The following RUNX1 variants were observed in gnomAD, a reference collection of about 807,000 sequenced individuals.
RUNX1 encodes the protein RUNX family transcription factor 1, also known as runt-related transcription factor 1.
In RUNX1, 19 loss-of-function variants were observed where a neutral mutation model predicts 42.8. That is an observed-to-expected ratio of 0.44 (90% confidence interval 0.31 to 0.65). RUNX1 has a LOEUF of 0.65. Ranked by LOEUF, RUNX1 falls within the 30% of genes least tolerant of loss-of-function variation. The probability of loss-of-function intolerance (pLI) is 0.07; values close to 1 mark genes in which losing one functional copy is unlikely to be tolerated. For missense variants in RUNX1, 528 were observed against 672.0 expected (o/e 0.79, Z 2.37); for synonymous variants, 271 against 289.4 (o/e 0.94, Z 0.64).
In RUNX1 at chr21:34,843,684, C is replaced by A. The variant is rs1601434553; in HGVS notation, c.614-9083G>T. On this transcript the variant is annotated intron_variant, in intron 6 of 8. Coordinates refer to ENST00000675419, the MANE Select transcript of RUNX1 (RefSeq NM_001754.5). The surrounding 1 kb of genome is among the most constrained non-coding windows in gnomAD (Gnocchi z 4.8). ...CACAGGCCTGCCCCTCCCCAGCCCC[C>A]CTGCACCATGCGCCCAAGACTCACG... Among the ~76,000 whole-genome samples, 1 of 152,160 alleles carries A rather than the reference C, an allele frequency of 6.6e-6. No individual in the cohort carries two copies. The highest frequency in any genetic ancestry group is 2.4e-5 in the African/African-American group (1 of 41,422).
chr21:35,011,440 C>T (rs114637727), intron 2 of RUNX1, among the ~76,000 whole-genome samples: 1,922 of 152,312 alleles, frequency 0.013, 44 homozygotes, highest in African/African-American at 0.043. Context: ...CTGGAATAGA[C>T]ATGGCTCTTT....
At chr21:34,884,825 G>C (rs2057957111) in intron 4 of RUNX1, among the ~76,000 whole-genome samples, 1 of 152,092 alleles carries the variant, frequency 6.6e-6, no homozygotes, top group Admixed American at 6.5e-5. Context: ...CAGGGGATCT[G>C]CTTGAACTTT....
intron 2 of RUNX1, among the ~76,000 whole-genome samples, chr21:34,974,720 G>C (rs1157700891): frequency 6.6e-6 from 1 of 152,152 alleles, no homozygotes; most frequent in African/African-American, 2.4e-5. Context: ...AGTTCCCTGG[G>C]ACTTTTCTTT....
intron 2 of RUNX1, among the ~76,000 whole-genome samples, chr21:34,894,406 CTG>C (rs1467218295): frequency 6.6e-6 from 1 of 152,088 alleles, no homozygotes; most frequent in East Asian, 1.9e-4. Flanking sequence ...ATTTTGAAAA[CTG>C]TGATTGGTAA....
At chr21:34,890,940 C>T (rs116345398) in intron 3 of RUNX1, among the ~76,000 whole-genome samples, 4 of 152,130 alleles carry the variant, frequency 2.6e-5, no homozygotes, top group Non-Finnish European at 1.5e-5. Context: ...GCCACCCCCA[C>T]GTGCATCCCC....
At chr21:34,977,634 G>C (rs1268000350) in intron 2 of RUNX1, among the ~76,000 whole-genome samples, 1 of 152,222 alleles carries the variant, frequency 6.6e-6, no homozygotes, top group Non-Finnish European at 1.5e-5. Context: ...AGTGGGGACA[G>C]TCAGGTATTT....
At chr21:34,892,639 GTT>G (rs890271960) in intron 3 of RUNX1, among the ~76,000 whole-genome samples, 9 of 152,160 alleles carry the variant, frequency 5.9e-5, no homozygotes, top group African/African-American at 2.2e-4. Context: ...GCTCTGTTTT[GTT>G]TTTAGAGAGT....
rs550020437 is a variant in RUNX1, at chr21:34,816,431, G to C, written c.806-16969C>G. 2.0e-5 allele frequency among the ~76,000 whole-genome samples: 3 copies of C among 152,238 alleles called. No individual in the cohort carries two copies. In the East Asian group the frequency reaches 5.8e-4, roughly 29 times the overall value. Reference sequence around the variant, plus strand: ...TTGCCTGCCTGGATGGCATCTCGGTGGTGGTGGTTGAGTTTTTACTGTCTT... The same window carrying C: ...TTGCCTGCCTGGATGGCATCTCGGTCGTGGTGGTTGAGTTTTTACTGTCTT... On this transcript the variant is annotated intron_variant, in intron 7 of 8. Transcript: ENST00000675419.
chr21:34,975,091 C>T (rs2058791286), intron 2 of RUNX1, among the ~76,000 whole-genome samples: 1 of 152,032 alleles, frequency 6.6e-6, no homozygotes, highest in Admixed American at 6.5e-5. Context: ...GATAAATTGC[C>T]CATATGCTAA....
In RUNX1 at chr21:34,792,012, G is replaced by A; in HGVS notation, c.*123C>T. On this transcript the variant is annotated 3_prime_UTR_variant, in exon 9 of 9. Coordinates refer to ENST00000675419, the MANE Select transcript of RUNX1 (RefSeq NM_001754.5). This position sits in a 1 kb window ranked among gnomAD's most constrained non-coding sequence, Gnocchi z 6.9. ...AGATCCTGGCCGTCGGGCGCCCTCG[G>A]CCCCAGGACGGTGGCCGGGCCCAGG... 1.7e-6 allele frequency: 1 copy of A among 587,144 alleles called. No homozygotes were observed. The highest frequency in any genetic ancestry group is 2.7e-6 in the Non-Finnish European group (1 of 369,660). The allele number at this position is 587,144 out of a possible 1,614,324, so 36.4% of individuals were successfully genotyped here. A position where few individuals can be genotyped will look rare whatever the true frequency, so the allele number is the denominator to read the frequency against.
intron 2 of RUNX1, among the ~76,000 whole-genome samples, chr21:34,899,598 C>T (rs907335696): frequency 2.6e-5 from 4 of 152,202 alleles, no homozygotes; most frequent in African/African-American, 7.2e-5. Flanking sequence ...GTCACCAGTA[C>T]ATCTTCTATC....
chr21:34,964,361 G>A (rs1396263579), intron 2 of RUNX1, among the ~76,000 whole-genome samples: 3 of 151,904 alleles, frequency 2.0e-5, no homozygotes, highest in Non-Finnish European at 4.4e-5. Context: ...GGTGGCACAC[G>A]CCTGTAGTCC....
At chr21:34,902,746 A>G (rs978614517) in intron 2 of RUNX1, among the ~76,000 whole-genome samples, 1 of 152,202 alleles carries the variant, frequency 6.6e-6, no homozygotes, top group Non-Finnish European at 1.5e-5. Context: ...CAAGTTAGTT[A>G]CTTACCTTGC....
At chr21:34,888,864 G>A (rs1365753288) in intron 3 of RUNX1, among the ~76,000 whole-genome samples, 1 of 151,358 alleles carries the variant, frequency 6.6e-6, no homozygotes, top group African/African-American at 2.4e-5. Flanking sequence ...CGCCCCCGCC[G>A]CCGCGCCGCG....
At chr21:34,810,893 T>TGA (rs1418270726) in intron 7 of RUNX1, among the ~76,000 whole-genome samples, 1 of 152,040 alleles carries the variant, frequency 6.6e-6, no homozygotes. Flanking sequence ...CCACCAGAAA[T>TGA]GAGACCTTCC....
At chr21:35,049,077 G>T in intron 1 of RUNX1, 91 bp downstream of exon 1, 4 of 595,766 alleles carry the variant, frequency 6.7e-6, no homozygotes, top group South Asian at 3.6e-5. Flanking sequence ...ATTAAAAAAT[G>T]CACCTTTGTA....
At chr21:34,820,965 G>A (rs767058874) in intron 7 of RUNX1, among the ~76,000 whole-genome samples, 2 of 152,168 alleles carry the variant, frequency 1.3e-5, no homozygotes, top group African/African-American at 4.8e-5. Context: ...CCTGGGCCTC[G>A]AGTGTCTCAT....
intron 2 of RUNX1, among the ~76,000 whole-genome samples, chr21:34,950,849 G>A (rs529801784): frequency 1.3e-5 from 2 of 152,320 alleles, no homozygotes; most frequent in South Asian, 4.1e-4. Context: ...AGACCCACAG[G>A]TGTCCATCTC....
chr21:34,791,612 T>C lies in RUNX1; in HGVS notation c.*523A>G, dbSNP rs1401669876. On this transcript the variant is annotated 3_prime_UTR_variant, in exon 9 of 9. Coordinates refer to ENST00000675419, the MANE Select transcript of RUNX1 (RefSeq NM_001754.5). The stretch of plus-strand genomic sequence containing the variant: ...AAAATAAAAACCACCCAAATGCAAA[T>C]ACGCATTTTGCAATTGATAAGGTGC... The C allele has an allele frequency of 2.6e-5, 6 of 230,206 alleles. No individual in the cohort carries two copies. Among genetic ancestry groups the C allele is most frequent in the Non-Finnish European group, 5.2e-5 (6 of 116,026 alleles). 14.3% of individuals were successfully genotyped at this position (230,206 alleles called of 1,614,324 possible).
Sources: gnomAD v4.1 joint callset for allele counts (sites outside exome capture counted in the v4.1 genomes callset) on GRCh38, gnomAD v4.1.1 for gene constraint, Gnocchi (gnomAD v3.1) non-coding constraint, MANE v1.5 for transcripts, NCBI Gene and HGNC (gene_info 2026-07-23, HGNC 2026-07-21) for gene names.